MCM2: variants seen among roughly 807,000 people sequenced by gnomAD.
The protein encoded by MCM2 is minichromosome maintenance complex component 2, also known as DNA replication licensing factor MCM2.
A neutral mutation model predicts 86.4 loss-of-function variants in MCM2; 49 were observed. That is an observed-to-expected ratio of 0.57 (90% confidence interval 0.45 to 0.72). The LOEUF (loss-of-function observed/expected upper bound fraction) is 0.72. Ranked by LOEUF, MCM2 falls within the 30% of genes least tolerant of loss-of-function variation. The pLI, the probability that MCM2 is intolerant of heterozygous loss-of-function variation, is 0.00. For missense variants in MCM2, 1,038 were observed against 1,259.9 expected (o/e 0.82, Z 2.67); for synonymous variants, 475 against 484.6 (o/e 0.98, Z 0.26).
chr3:127,602,628 A>C (rs73861530), intron 2 of MCM2, among the ~76,000 whole-genome samples: 216 of 152,344 alleles, frequency 1.4e-3, no homozygotes, highest in South Asian at 5.4e-3. Context: ...GGAAGAGAGC[A>C]CAGTGCTTTG....
At chr3:127,604,029 T>C (rs898194773) in intron 2 of MCM2, among the ~76,000 whole-genome samples, 1 of 152,208 alleles carries the variant, frequency 6.6e-6, no homozygotes, top group Non-Finnish European at 1.5e-5. Flanking sequence ...GCTCAAGTGA[T>C]CCTCCTGCCT....
Position 127,606,388 on chromosome 3 carries a change from C to G in MCM2, c.893+51C>G, listed in dbSNP as rs766449080. ...CAGGTCCGAGCTCAGTGCTGGGTGA[C>G]TCGGTCGTGATTCCTGAAGAGCGAT... On this transcript the variant is annotated intron_variant, in intron 5 of 15. Transcript: ENST00000265056. The surrounding 1 kb of genome is among the most constrained non-coding windows in gnomAD (Gnocchi z 4.2). The G allele has an allele frequency of 6.4e-6, 10 of 1,568,874 alleles. No homozygotes were observed. Among genetic ancestry groups the G allele is most frequent in the South Asian group, 4.5e-5 (4 of 89,636 alleles).
In MCM2 at chr3:127,605,128, C is replaced by A. The variant is rs770907129; in HGVS notation, c.645C>A (p.Phe215Leu). 3.7e-6 allele frequency: 6 copies of A among 1,614,160 alleles called. No individual in the cohort carries two copies. In the South Asian group the frequency reaches 6.6e-5, roughly 18 times the overall value. The stretch of plus-strand genomic sequence containing the variant: ...TCGACAGCCACGGCCACAACGTCTT[C>A]AAGGAGCGCATCAGCGACATGTGCA... ...THVDSHGHNV[F>L]KERISDMCKE... The change falls in exon 4 of 16, where the codon TTC becomes TTA. Residue 215 changes from phenylalanine (F) to leucine (L), a missense_variant. By Grantham distance (22) the Phe-to-Leu change is conservative. Coordinates refer to ENST00000265056, the MANE Select transcript of MCM2 (RefSeq NM_004526.4).
chr3:127,598,419 G>C lies in MCM2; in HGVS notation c.-48G>C. 6.2e-7 allele frequency: 1 copy of C among 1,613,180 alleles called. No homozygotes were observed. The highest frequency in any genetic ancestry group is 8.5e-7 in the Non-Finnish European group (1 of 1,179,452). On this transcript the variant is annotated 5_prime_UTR_variant, in exon 1 of 16. Transcript: ENST00000265056. ...GTGGGTCACGTGAACCACTTTTCGC[G>C]CGAAACCTGGTTGTTGCTGTAGTGG...
At chr3:127,614,547 C>T (rs2074420191) in intron 8 of MCM2, among the ~76,000 whole-genome samples, 1 of 152,116 alleles carries the variant, frequency 6.6e-6, no homozygotes. Flanking sequence ...GCCTTGCAGT[C>T]GAGATATTGC....
At chr3:127,620,661 C>T in intron 13 of MCM2, 37 bp from the exon 14 acceptor site, 1 of 1,537,288 alleles carries the variant, frequency 6.5e-7, no homozygotes, top group Non-Finnish European at 8.8e-7. Flanking sequence ...CTTCTCTTTC[C>T]TGCCCGTGAA....
chr3:127,608,469 A>G lies in MCM2; in HGVS notation c.1189A>G (p.Ile397Val). Residue 397 changes from isoleucine to valine, a missense_variant, in exon 7 of 16, where the codon ATT (isoleucine) becomes GTT (valine). Transcript: ENST00000265056. ...AGRLPRSKDA[I>V]LLADLVDSCK... The stretch of plus-strand genomic sequence containing the variant: ...CCGGCTGCCCCGCTCCAAGGACGCC[A>G]TTCTCCTCGCAGATCTGGTGGACAG... The G allele has an allele frequency of 3.1e-6, 5 of 1,614,208 alleles. No individual in the cohort carries two copies. Among genetic ancestry groups the G allele is most frequent in the South Asian group, 1.1e-5 (1 of 91,086 alleles).
At chr3:127,604,513 T>C in intron 2 of MCM2, 95 bp from the exon 3 acceptor site, 3 of 1,351,546 alleles carry the variant, frequency 2.2e-6, no homozygotes, top group South Asian at 1.3e-5. Flanking sequence ...ATGGGGCTCC[T>C]GAACCTTAGG....
intron 8 of MCM2, chr3:127,610,667 T>C: frequency 4.9e-6 from 2 of 406,490 alleles, no homozygotes; most frequent in African/African-American, 2.1e-5. Context: ...TTTTCTCAAG[T>C]GTATTGCGTG....
chr3:127,604,950 GGGCCAC>G lies in MCM2; in HGVS notation c.470_475del (p.Ala157_Thr158del), dbSNP rs777642816. On this transcript the variant is annotated inframe_deletion, in exon 4 of 16. Transcript: ENST00000265056. The stretch of plus-strand genomic sequence containing the variant: ...GCCCGCAAGCGCCGCCAGGTGGAGC[GGGCCAC>G]GGAGGACGGCGAGGAGGACGAGGAG... The G allele has an allele frequency of 7.4e-5, 119 of 1,606,270 alleles. No individual in the cohort carries two copies. In the Middle Eastern group the frequency reaches 8.3e-4, roughly 11 times the overall value.
At position 127,622,436 on chromosome 3, in the gene MCM2, A is replaced by G. The variant is rs1250982904; in HGVS notation, c.*663A>G. Reference sequence around the variant, plus strand: ...TTTAATAAAGTTGAATAAAATATAAACGCTGGTATCTGTTGGCTTCCATTC... The same window carrying G: ...TTTAATAAAGTTGAATAAAATATAAGCGCTGGTATCTGTTGGCTTCCATTC... On this transcript the variant is annotated 3_prime_UTR_variant, in exon 16 of 16. Coordinates refer to ENST00000265056, the MANE Select transcript of MCM2 (RefSeq NM_004526.4). 1 of 152,172 alleles carries G rather than the reference A, an allele frequency of 6.6e-6. No homozygotes were observed. The highest frequency in any genetic ancestry group is 2.4e-5 in the African/African-American group (1 of 41,430). 9.4% of individuals were successfully genotyped at this position (152,172 alleles called of 1,614,324 possible).
In MCM2 at chr3:127,605,879, T is replaced by C. The variant is rs920413923; in HGVS notation, c.674-239T>C. ...TAGCTGTGTAGGCACTCTGCTCATA[T>C]TTAATTTAACCCCCCAGCAACTTTG... On this transcript the variant is annotated intron_variant, in intron 4 of 15. Transcript: ENST00000265056. Among the ~76,000 whole-genome samples the C allele has an allele frequency of 2.6e-5, 4 of 152,216 alleles. No individual in the cohort carries two copies. The South Asian group carries it at 8.3e-4, about 32-fold the overall frequency.
Position 127,621,363 on chromosome 3 carries a change from T to C in MCM2, c.2604+135T>C. 2.9e-6 allele frequency: 3 copies of C among 1,046,302 alleles called. No individual in the cohort carries two copies. In the South Asian group the frequency reaches 4.6e-5, roughly 16 times the overall value. 64.8% of individuals were successfully genotyped at this position (1,046,302 alleles called of 1,614,324 possible). ...ACAGCCATTTATTGAATGCTTACAGTCTGTTGAGTCCAGTTCTGTGCCTGT... is the reference window on the plus strand; with the variant it reads ...ACAGCCATTTATTGAATGCTTACAGCCTGTTGAGTCCAGTTCTGTGCCTGT... On this transcript the variant is annotated intron_variant, in intron 15 of 15. Transcript: ENST00000265056.
chr3:127,609,044 G>A, intron 8 of MCM2, 21 bp downstream of exon 8: 1 of 1,611,086 alleles, frequency 6.2e-7, no homozygotes, highest in Non-Finnish European at 8.5e-7. Flanking sequence ...GGCAGGGGCA[G>A]GGGCTGTCAG....
At chr3:127,609,126 C>T (rs539837474) in intron 8 of MCM2, 103 bp downstream of exon 8, 2 of 1,236,374 alleles carry the variant, frequency 1.6e-6, no homozygotes, top group East Asian at 2.4e-5. Flanking sequence ...CAAACCTTGC[C>T]TTATTCCCCT....
In MCM2 at chr3:127,617,979, C is replaced by T. The variant is rs774019407; in HGVS notation, c.1911C>T (p.Tyr637=). 43 of 1,613,232 alleles carry T rather than the reference C, an allele frequency of 2.7e-5. No individual in the cohort carries two copies. In the Admixed American group the frequency reaches 2.8e-4, roughly 11 times the overall value. ...TCCCCTGTGTTTCAGGAGGGCGCTA[C>T]GACCCCTCGCTGACTTTCTCTGAGA... The part of the protein sequence containing the change: ...IAAANPIGGR[Y]DPSLTFSENV... Residue 637 remains tyrosine (Y), a synonymous_variant, in exon 12 of 16, where the codon TAC becomes TAT. Transcript: ENST00000265056. The surrounding 1 kb of genome is among the most constrained non-coding windows in gnomAD (Gnocchi z 4.1).
At position 127,618,093 on chromosome 3, in the gene MCM2, A is replaced by G. The variant is rs1186813806; in HGVS notation, c.2013+12A>G. The stretch of plus-strand genomic sequence containing the variant: ...TGGACCCAGTCCAGGTATAGCTCAC[A>G]TGTGCCCGGTTTCCATGAACTGTGG... On this transcript the variant is annotated intron_variant, in intron 12 of 15. Transcript: ENST00000265056. This position sits in a 1 kb window ranked among gnomAD's most constrained non-coding sequence, Gnocchi z 4.0. 1 of 1,606,212 alleles carries G rather than the reference A, an allele frequency of 6.2e-7. No homozygotes were observed. Among genetic ancestry groups the G allele is most frequent in the African/African-American group, 1.3e-5 (1 of 74,730 alleles).
chr3:127,606,045 C>A lies in MCM2; in HGVS notation c.674-73C>A. The A allele has an allele frequency of 8.2e-7, 1 of 1,226,062 alleles. No homozygotes were observed. The highest frequency in any genetic ancestry group is 1.2e-6 in the Non-Finnish European group (1 of 837,998). 75.9% of individuals were successfully genotyped at this position (1,226,062 alleles called of 1,614,324 possible). A position where few individuals can be genotyped will look rare whatever the true frequency, so the allele number is the denominator to read the frequency against. On this transcript the variant is annotated intron_variant, in intron 4 of 15. Transcript: ENST00000265056. The surrounding 1 kb of genome is among the most constrained non-coding windows in gnomAD (Gnocchi z 4.2). The stretch of plus-strand genomic sequence containing the variant: ...GTCGGGGTGGGTAGGCCTTGCTTCT[C>A]ACACAGGCATTGTTGCAGCCCAGCC...
At chr3:127,605,993 G>C in intron 4 of MCM2, 125 bp from the exon 5 acceptor site, 1 of 701,990 alleles carries the variant, frequency 1.4e-6, no homozygotes. Context: ...AGAAGTGAAA[G>C]CTGGGCTTTC....
Sources: gnomAD v4.1 joint callset for allele counts (sites outside exome capture counted in the v4.1 genomes callset) on GRCh38, gnomAD v4.1.1 for gene constraint, Gnocchi (gnomAD v3.1) non-coding constraint, MANE v1.5 for transcripts, NCBI Gene and HGNC (gene_info 2026-07-23, HGNC 2026-07-21) for gene names.